CPNE8: variants seen among roughly 807,000 people sequenced by gnomAD.
CPNE8 encodes copine-8.
Under a neutral mutation model 81.5 loss-of-function variants are expected in CPNE8, and 45 were observed. The observed-to-expected ratio is 0.55, with a 90% CI of 0.44 to 0.71. The LOEUF is 0.71. CPNE8 is among the 30% of genes least tolerant of loss of function. The pLI, the probability that CPNE8 is intolerant of heterozygous loss-of-function variation, is 0.00. For synonymous variants in CPNE8, 252 were observed against 226.3 expected (o/e 1.11, Z -1.02); for missense variants, 594 against 672.1 (o/e 0.88, Z 1.28).
chr12:38,805,719 T>G, intron 6 of CPNE8, among the ~76,000 whole-genome samples: 1 of 137,146 alleles, frequency 7.3e-6, no homozygotes, highest in African/African-American at 2.7e-5. Context: ...GCAAACACAT[T>G]CAAAAGCTAG....
At chr12:38,875,579 A>T (rs148961338) in intron 1 of CPNE8, among the ~76,000 whole-genome samples, 1,651 of 152,274 alleles carry the variant, frequency 0.011, 22 homozygotes, top group South Asian at 0.039. Context: ...TTGGTATCTG[A>T]AAAGTCCCTT....
At position 38,842,569 on chromosome 12, in the gene CPNE8, CTTTTTTTTTTTT is replaced by C. The variant is rs769891980; in HGVS notation, c.291-2626_291-2615del. Among the ~76,000 whole-genome samples, 10 of 110,838 alleles carry C rather than the reference CTTTTTTTTTTTT, an allele frequency of 9.0e-5. No individual in the cohort carries two copies. In the South Asian group the frequency reaches 1.5e-3, roughly 17 times the overall value. The allele number at this position is 110,838 out of a possible 152,430, so 72.7% of individuals were successfully genotyped here. On this transcript the variant is annotated intron_variant, in intron 4 of 19. Coordinates refer to ENST00000331366, the MANE Select transcript of CPNE8 (RefSeq NM_153634.3). ...AAAGCATTAGAAATTAACATTTTTCCTTTTTTTTTTTTTTTTTTTTTTTGGAGTCAGAGTCTC... is the reference window on the plus strand; with the variant it reads ...AAAGCATTAGAAATTAACATTTTTCCTTTTTTTTTTTGGAGTCAGAGTCTC...
intron 11 of CPNE8, among the ~76,000 whole-genome samples, chr12:38,725,656 A>T (rs1302724220): frequency 6.6e-6 from 1 of 152,210 alleles, no homozygotes; most frequent in Admixed American, 6.5e-5. Context: ...CAATTTATTA[A>T]CTTAAACTAA....
intron 10 of CPNE8, among the ~76,000 whole-genome samples, chr12:38,737,905 C>G (rs1940992019): frequency 6.6e-6 from 1 of 152,168 alleles, no homozygotes; most frequent in Non-Finnish European, 1.5e-5. Flanking sequence ...AAGTTGCACT[C>G]TAGAGTCCAC....
intron 16 of CPNE8, among the ~76,000 whole-genome samples, chr12:38,681,945 G>A (rs1157498067): frequency 6.6e-6 from 1 of 152,216 alleles, no homozygotes; most frequent in Admixed American, 6.5e-5. Flanking sequence ...TTTAGGCTGG[G>A]CCCAGTGGCT....
intron 13 of CPNE8, among the ~76,000 whole-genome samples, chr12:38,718,553 G>T (rs1171326800): frequency 6.6e-6 from 1 of 152,168 alleles, no homozygotes; most frequent in Non-Finnish European, 1.5e-5. Context: ...GCACTATTCA[G>T]AAAGGGTAAG....
At chr12:38,897,320 A>G (rs1944401557) in intron 1 of CPNE8, among the ~76,000 whole-genome samples, 1 of 152,154 alleles carries the variant, frequency 6.6e-6, no homozygotes, top group Admixed American at 6.5e-5. Context: ...CTTTGAGAAG[A>G]TAGCTTATTA....
chr12:38,723,946 A>G, intron 12 of CPNE8, 113 bp from the exon 13 acceptor site: 1 of 648,780 alleles, frequency 1.5e-6, no homozygotes, highest in Non-Finnish European at 2.7e-6. Context: ...CACTAAAGAT[A>G]TTATTTTTTA....
At chr12:38,661,671 C>G (rs1938956373) in intron 19 of CPNE8, among the ~76,000 whole-genome samples, 1 of 152,042 alleles carries the variant, frequency 6.6e-6, no homozygotes, top group Non-Finnish European at 1.5e-5. Flanking sequence ...CAGAACTACC[C>G]TGATACCAAA....
At chr12:38,854,506 C>T (rs780403677) in intron 3 of CPNE8, among the ~76,000 whole-genome samples, 1 of 151,672 alleles carries the variant, frequency 6.6e-6, no homozygotes, top group African/African-American at 2.4e-5. Context: ...TTGATGATCA[C>T]AGGTGCAAAA....
intron 6 of CPNE8, among the ~76,000 whole-genome samples, chr12:38,812,024 C>T (rs1942946792): frequency 6.6e-6 from 1 of 152,146 alleles, no homozygotes; most frequent in South Asian, 2.1e-4. Flanking sequence ...GATGCAGACA[C>T]TGATGCAGTA....
At chr12:38,777,271 AAAAT>A (rs1359586869) in intron 6 of CPNE8, among the ~76,000 whole-genome samples, 11 of 152,196 alleles carry the variant, frequency 7.2e-5, no homozygotes, top group African/African-American at 1.7e-4. Context: ...TTAAAAAGTA[AAAAT>A]AAATAAATAA....
intron 3 of CPNE8, among the ~76,000 whole-genome samples, chr12:38,867,041 T>C (rs569887224): frequency 1.3e-5 from 2 of 152,008 alleles, no homozygotes; most frequent in Admixed American, 6.6e-5. Context: ...GTATTTTTAG[T>C]AGAGATAGGG....
intron 3 of CPNE8, among the ~76,000 whole-genome samples, chr12:38,867,217 C>A (rs1355358321): frequency 6.6e-6 from 1 of 151,928 alleles, no homozygotes; most frequent in Admixed American, 6.6e-5. Flanking sequence ...CGAGGTTTCA[C>A]CTTTGGAAGC....
At position 38,829,464 on chromosome 12, in the gene CPNE8, G is replaced by A; in HGVS notation, c.331-9C>T. The A allele has an allele frequency of 6.3e-7, 1 of 1,595,752 alleles. No individual in the cohort carries two copies. Among genetic ancestry groups the A allele is most frequent in the Non-Finnish European group, 8.6e-7 (1 of 1,163,686 alleles). On this transcript the variant is annotated splice_polypyrimidine_tract_variant and intron_variant, in intron 5 of 19. Coordinates refer to ENST00000331366, the MANE Select transcript of CPNE8 (RefSeq NM_153634.3). Reference sequence around the variant, plus strand: ...ACTTGTCCCAGAAAGTCCTGAAATAGATAAAAAGATTAAAGCTCATAAGTT... The same window carrying A: ...ACTTGTCCCAGAAAGTCCTGAAATAAATAAAAAGATTAAAGCTCATAAGTT...
At chr12:38,832,658 G>T (rs907240763) in intron 5 of CPNE8, among the ~76,000 whole-genome samples, 4 of 151,986 alleles carry the variant, frequency 2.6e-5, no homozygotes, top group Admixed American at 2.6e-4. Flanking sequence ...TACAGGTACC[G>T]TACATTTTGC....
intron 8 of CPNE8, among the ~76,000 whole-genome samples, chr12:38,763,275 G>A (rs826849): frequency 0.076 from 11,584 of 152,254 alleles, 758 homozygotes; most frequent in East Asian, 0.24. Flanking sequence ...AGAGTAAATG[G>A]GTTGATGTGG....
intron 6 of CPNE8, among the ~76,000 whole-genome samples, chr12:38,807,962 C>G (rs1328089326): frequency 6.6e-6 from 1 of 151,900 alleles, no homozygotes; most frequent in African/African-American, 2.4e-5. Flanking sequence ...AGACACTTCT[C>G]AAAAGAAGAC....
chr12:38,875,019 T>A (rs1431294576), intron 1 of CPNE8, among the ~76,000 whole-genome samples: 2 of 152,180 alleles, frequency 1.3e-5, no homozygotes, highest in Non-Finnish European at 2.9e-5. Flanking sequence ...TATGTTGCTA[T>A]TACGGTTTCG....
Sources: gnomAD v4.1 joint callset for allele counts (sites outside exome capture counted in the v4.1 genomes callset) on GRCh38, gnomAD v4.1.1 for gene constraint, MANE v1.5 for transcripts, NCBI Gene and HGNC (gene_info 2026-07-23, HGNC 2026-07-21) for gene names.